The following RTN4 variants were observed in gnomAD, a reference collection of about 807,000 sequenced individuals.
RTN4 encodes reticulon-4.
In RTN4, 32 loss-of-function variants were observed where a neutral mutation model predicts 90.4. That is an observed-to-expected ratio of 0.35 (90% CI 0.27 to 0.48). RTN4 has a LOEUF of 0.48. Among genes scored for constraint, RTN4 ranks in the 20% least tolerant of loss-of-function variants. RTN4 has a pLI of 0.99. For missense variants in RTN4, 1,706 were observed against 1,430.2 expected, an observed-to-expected ratio of 1.19 and a Z score of -3.11; for synonymous variants, 629 against 552.5, an observed-to-expected ratio of 1.14 and a Z score of -1.94.
chr2:55,134,732 C>A, the RTN4 span, among the ~76,000 whole-genome samples: 1 of 3,630 alleles, frequency 2.8e-4, no homozygotes, highest in Non-Finnish European at 7.5e-4. Context: ...GACCTGCAGC[C>A]CCCTGAGTGC....
the RTN4 span, among the ~76,000 whole-genome samples, chr2:55,126,149 A>G: frequency 3.3e-5 from 5 of 151,884 alleles, no homozygotes; most frequent in Non-Finnish European, 7.4e-5. Context: ...AGATCACCTG[A>G]GGTCAAGAGT....
At chr2:55,070,992 G>A (rs535309477) in intron 2 of RTN4, among the ~76,000 whole-genome samples, 7 of 151,486 alleles carry the variant, frequency 4.6e-5, no homozygotes, top group African/African-American at 1.7e-4. Context: ...TAGCCAGGAT[G>A]GTCTCAATCT....
chr2:55,002,951 A>T (rs72795434), intron 3 of RTN4, among the ~76,000 whole-genome samples: 22,991 of 152,182 alleles, frequency 0.15, 2,178 homozygotes, highest in South Asian at 0.34. Flanking sequence ...ATAATTTACT[A>T]TAGTTTAAAT....
intron 2 of RTN4, among the ~76,000 whole-genome samples, chr2:55,056,006 A>C (rs961877789): frequency 6.7e-6 from 1 of 149,786 alleles, no homozygotes; most frequent in African/African-American, 2.4e-5. Flanking sequence ...GTGTGTGTGT[A>C]TATATATATA....
chr2:55,037,136 T>C (rs530293537), intron 1 of RTN4, among the ~76,000 whole-genome samples: 15 of 152,286 alleles, frequency 9.8e-5, no homozygotes, highest in African/African-American at 3.6e-4. Flanking sequence ...TATCACTCAC[T>C]GTAACAAAAA....
intron 3 of RTN4, among the ~76,000 whole-genome samples, chr2:55,023,926 T>C (rs1681630607): frequency 1.3e-5 from 2 of 152,118 alleles, no homozygotes; most frequent in Non-Finnish European, 2.9e-5. Context: ...CTTCTCTTGA[T>C]TCTTCCTAAT....
chr2:54,977,879 T>C (rs1273771115), intron 5 of RTN4, among the ~76,000 whole-genome samples: 2 of 152,068 alleles, frequency 1.3e-5, no homozygotes, highest in Admixed American at 1.3e-4. Flanking sequence ...CTGCAGAACA[T>C]GTCTTATTTT....
chr2:54,978,058 C>G (rs1364913748), intron 5 of RTN4, among the ~76,000 whole-genome samples: 1 of 152,146 alleles, frequency 6.6e-6, no homozygotes, highest in Non-Finnish European at 1.5e-5. Context: ...AGGCAATAAG[C>G]AAGGAAAAGG....
upstream of RTN4, among the ~76,000 whole-genome samples, chr2:55,113,525 G>C (rs1668074137): frequency 6.6e-6 from 1 of 152,220 alleles, no homozygotes; most frequent in Non-Finnish European, 1.5e-5. Flanking sequence ...GGTGGTGGTA[G>C]TTGCTCTGGG....
At chr2:55,104,591 T>A (rs1667909912) in intron 1 of RTN4, among the ~76,000 whole-genome samples, 1 of 151,940 alleles carries the variant, frequency 6.6e-6, no homozygotes, top group Admixed American at 6.6e-5. Flanking sequence ...CCTCACGTGA[T>A]CCACCTGCCT....
rs1677250026 is a variant in RTN4 at position 54,973,129 on chromosome 2, A to T, written c.*27T>A. 1 of 1,589,630 alleles carries T rather than the reference A, an allele frequency of 6.3e-7. No individual in the cohort carries two copies. Among genetic ancestry groups the T allele is most frequent in the Non-Finnish European group, 8.6e-7 (1 of 1,159,832 alleles). On this transcript the variant is annotated 3_prime_UTR_variant, in exon 9 of 9. Transcript: ENST00000337526. ...CAAATGAATATCCCCTTTAAAGATG[A>T]ACTCCTACTAATTATTTTGGGCGTT... is the stretch of plus-strand genomic sequence containing the variant.
chr2:55,009,255 T>A (rs1680459860), intron 3 of RTN4, among the ~76,000 whole-genome samples: 1 of 152,156 alleles, frequency 6.6e-6, no homozygotes, highest in Non-Finnish European at 1.5e-5. Flanking sequence ...TACTTAAAAA[T>A]AGCTCTAATA....
At chr2:55,125,967 G>A in the RTN4 span, among the ~76,000 whole-genome samples, 2 of 151,800 alleles carry the variant, frequency 1.3e-5, no homozygotes, top group Non-Finnish European at 2.9e-5. Context: ...AGGCCGAGGC[G>A]GGAGAATGGT....
intron 1 of RTN4, among the ~76,000 whole-genome samples, chr2:55,097,063 T>C (rs1667745044): frequency 6.6e-6 from 1 of 151,652 alleles, no homozygotes; most frequent in Admixed American, 6.6e-5. Context: ...TGAGCAATGA[T>C]TTCAATAAAG....
the RTN4 span, among the ~76,000 whole-genome samples, chr2:55,127,757 T>A: frequency 6.6e-6 from 1 of 152,218 alleles, no homozygotes; most frequent in Admixed American, 6.5e-5. Context: ...ATTGTACCTC[T>A]GTGGAGGGGG....
intron 5 of RTN4, among the ~76,000 whole-genome samples, chr2:54,975,882 AG>A (rs1407089447): frequency 6.6e-6 from 1 of 152,200 alleles, no homozygotes; most frequent in Non-Finnish European, 1.5e-5. Context: ...AGTAAATATC[AG>A]GCATTCTTAA....
intron 1 of RTN4, among the ~76,000 whole-genome samples, chr2:55,095,107 G>C (rs1251371224): frequency 1.3e-5 from 2 of 152,114 alleles, no homozygotes; most frequent in Admixed American, 1.3e-4. Flanking sequence ...TGGATCACCT[G>C]ACTTCAGGAG....
intron 1 of RTN4, 140 bp downstream of exon 1, chr2:55,049,605 A>T: frequency 7.3e-7 from 1 of 1,367,902 alleles, no homozygotes; most frequent in Non-Finnish European, 1.0e-6. Context: ...TTCCAACCAG[A>T]CGGGGCGCCA....
upstream of RTN4, among the ~76,000 whole-genome samples, chr2:55,116,990 C>T (rs996868152): frequency 3.3e-5 from 5 of 150,488 alleles, no homozygotes; most frequent in Non-Finnish European, 5.9e-5. Flanking sequence ...TCTCCTGCTG[C>T]AGCCTCCCAA....
Sources: gnomAD v4.1 joint callset for allele counts (sites outside exome capture counted in the v4.1 genomes callset) on GRCh38, gnomAD v4.1.1 for gene constraint, MANE v1.5 for transcripts, NCBI Gene and HGNC (gene_info 2026-07-23, HGNC 2026-07-21) for gene names.